The following ROBO1 variants were observed in gnomAD, a reference collection of about 807,000 sequenced individuals.
The protein encoded by ROBO1 is roundabout homolog 1.
A neutral mutation model predicts 195.9 loss-of-function variants in ROBO1; 149 were observed. The observed-to-expected ratio is 0.76, with a 90% CI of 0.67 to 0.87. ROBO1 has a LOEUF of 0.87. Among genes scored for constraint, ROBO1 ranks in the 40% least tolerant of loss-of-function variants. The pLI is 0.00. For synonymous variants in ROBO1, 816 were observed against 733.2 expected, an observed-to-expected ratio of 1.11 and a Z score of -1.82; for missense variants, 1,933 against 2,068.3, an observed-to-expected ratio of 0.93 and a Z score of 1.27.
intron 2 of ROBO1, among the ~76,000 whole-genome samples, chr3:79,537,673 G>A (rs2107631943): frequency 6.6e-6 from 1 of 152,134 alleles, no homozygotes; most frequent in South Asian, 2.1e-4. Context: ...CTCGTAAGTG[G>A]GAGGTGAACA....
chr3:79,129,395 T>C (rs2108583351), intron 2 of ROBO1, among the ~76,000 whole-genome samples: 1 of 152,198 alleles, frequency 6.6e-6, no homozygotes. Flanking sequence ...TGTGTGTGTG[T>C]ATATATGTAC....
chr3:78,868,392 C>T (rs1323342136), intron 4 of ROBO1, among the ~76,000 whole-genome samples: 1 of 150,794 alleles, frequency 6.6e-6, no homozygotes, highest in Non-Finnish European at 1.5e-5. Context: ...AAAAAAAAGA[C>T]TACCAAAAAA....
At position 79,480,551 on chromosome 3, in the gene ROBO1, TTTTG is replaced by T. The variant is rs557111238; in HGVS notation, c.88+109269_88+109272del. On this transcript the variant is annotated intron_variant, in intron 2 of 30. Transcript: ENST00000464233. The stretch of plus-strand genomic sequence containing the variant: ...TCTTATTGTACACACTAGGATTACC[TTTTG>T]TTTAATATTGCTCTAATTTTTCTAT... Among the ~76,000 whole-genome samples, 3 of 152,276 alleles carry T rather than the reference TTTTG, an allele frequency of 2.0e-5. No individual in the cohort carries two copies. The South Asian group carries it at 6.2e-4, about 32-fold the overall frequency.
rs568746613 is a variant in ROBO1, at chr3:79,220,935, CTCTA to C, written c.89-95400_89-95397del. On this transcript the variant is annotated intron_variant, in intron 2 of 30. Transcript: ENST00000464233. ...TAGGATGTTTAGCAACATTCCTAGC[CTCTA>C]TCTACTAGATGCTAACAGCAACTTT... is the stretch of plus-strand genomic sequence containing the variant. 2.0e-5 allele frequency among the ~76,000 whole-genome samples: 3 copies of C among 152,090 alleles called. No individual in the cohort carries two copies. In the South Asian group the frequency reaches 6.2e-4, roughly 32 times the overall value.
intron 1 of ROBO1, among the ~76,000 whole-genome samples, chr3:79,606,128 A>T (rs527637193): frequency 3.5e-4 from 52 of 150,228 alleles, no homozygotes; most frequent in African/African-American, 1.3e-3. Context: ...TTACTCATTT[A>T]AAAAAATTAC....
chr3:79,614,568 C>T (rs2107938543), intron 1 of ROBO1, among the ~76,000 whole-genome samples: 1 of 151,986 alleles, frequency 6.6e-6, no homozygotes, highest in East Asian at 1.9e-4. Flanking sequence ...TATAGTCTAG[C>T]AATAAACTGG....
chr3:79,734,569 C>T (rs1335301663), intron 1 of ROBO1, among the ~76,000 whole-genome samples: 4 of 152,196 alleles, frequency 2.6e-5, no homozygotes, highest in African/African-American at 9.7e-5. Context: ...TTTCTTCATA[C>T]TGAGAAGCTT....
rs540131681 is a variant in ROBO1 at position 78,775,797 on chromosome 3, T to C, written c.500-28897A>G. ...ACTGTCTGGGAACCATTTTTGGCCT[T>C]TGATTGAAAACTGCTTTTCTCCCAG... On this transcript the variant is annotated intron_variant, in intron 4 of 30. Transcript: ENST00000464233. Among the ~76,000 whole-genome samples, 188 of 152,340 alleles carry C rather than the reference T, an allele frequency of 1.2e-3. 1 individual carries two copies. Among genetic ancestry groups the C allele is most frequent in the Middle Eastern group, 3.4e-3 (1 of 294 alleles).
chr3:79,678,048 T>C (rs1946837610), intron 1 of ROBO1, among the ~76,000 whole-genome samples: 1 of 152,122 alleles, frequency 6.6e-6, no homozygotes, highest in African/African-American at 2.4e-5. Flanking sequence ...CAATGAATAT[T>C]AGCTCTTGAT....
intron 8 of ROBO1, among the ~76,000 whole-genome samples, chr3:78,699,256 A>C (rs1445071763): frequency 6.6e-6 from 1 of 152,078 alleles, no homozygotes; most frequent in Non-Finnish European, 1.5e-5. Flanking sequence ...AAACAAAATA[A>C]AAGGCTAGGC....
chr3:79,198,470 A>C lies in ROBO1; in HGVS notation c.89-72931T>G, dbSNP rs1291776926. Reference sequence around the variant, plus strand: ...ATAGTATAGTTTGAAGTCAGGTAGCATGATGCCTCCAGCTTTGTTCTTTTT... The same window carrying C: ...ATAGTATAGTTTGAAGTCAGGTAGCCTGATGCCTCCAGCTTTGTTCTTTTT... On this transcript the variant is annotated intron_variant, in intron 2 of 30. Coordinates refer to ENST00000464233, the MANE Select transcript of ROBO1 (RefSeq NM_002941.4). Among the ~76,000 whole-genome samples the C allele has an allele frequency of 2.6e-5, 4 of 151,850 alleles. No individual in the cohort carries two copies. The South Asian group carries it at 8.3e-4, about 31-fold the overall frequency.
chr3:78,667,822 A>C, intron 14 of ROBO1, 61 bp downstream of exon 14: 1 of 1,490,472 alleles, frequency 6.7e-7, no homozygotes. Flanking sequence ...GTGATTTGTC[A>C]GTGCAATTAT....
intron 1 of ROBO1, among the ~76,000 whole-genome samples, chr3:79,724,935 G>A (rs953978585): frequency 6.6e-6 from 1 of 152,174 alleles, no homozygotes; most frequent in Non-Finnish European, 1.5e-5. Context: ...AACCCTATCA[G>A]TGTCCTTCCT....
intron 2 of ROBO1, among the ~76,000 whole-genome samples, chr3:79,434,849 A>G (rs1229723991): frequency 2.6e-5 from 4 of 152,156 alleles, no homozygotes; most frequent in African/African-American, 4.8e-5. Flanking sequence ...TTAAAAAAAT[A>G]TGGCACATAT....
chr3:78,943,282 G>A (rs1164426450), intron 3 of ROBO1, among the ~76,000 whole-genome samples: 3 of 152,132 alleles, frequency 2.0e-5, no homozygotes, highest in African/African-American at 7.2e-5. Flanking sequence ...ATGATGTACA[G>A]GAAGTAATGA....
At chr3:79,743,957 A>T (rs1703762911) in intron 1 of ROBO1, among the ~76,000 whole-genome samples, 1 of 152,116 alleles carries the variant, frequency 6.6e-6, no homozygotes, top group Non-Finnish European at 1.5e-5. Flanking sequence ...TTTTACAATT[A>T]ACTTTTTTTT....
chr3:78,603,961 T>G (rs2107260212), intron 29 of ROBO1, among the ~76,000 whole-genome samples: 1 of 152,160 alleles, frequency 6.6e-6, no homozygotes, highest in Non-Finnish European at 1.5e-5. Context: ...TTTTAAAAAT[T>G]TTATCTCTGT....
intron 1 of ROBO1, among the ~76,000 whole-genome samples, chr3:79,671,344 G>A (rs1263182348): frequency 3.3e-5 from 5 of 151,770 alleles, no homozygotes; most frequent in African/African-American, 1.2e-4. Flanking sequence ...ATGTAAGAGA[G>A]AATGAAAAAT....
intron 2 of ROBO1, among the ~76,000 whole-genome samples, chr3:79,491,222 CTT>C (rs10612189): frequency 0.35 from 51,110 of 144,166 alleles, 9,032 homozygotes; most frequent in African/African-American, 0.4. Flanking sequence ...GGGATCGGCT[CTT>C]TTTTTTTTTT....
Sources: gnomAD v4.1 joint callset for allele counts (sites outside exome capture counted in the v4.1 genomes callset) on GRCh38, gnomAD v4.1.1 for gene constraint, MANE v1.5 for transcripts, NCBI Gene and HGNC (gene_info 2026-07-23, HGNC 2026-07-21) for gene names.